Variants in ZNF536 observed in about 807,000 individuals in gnomAD.
ZNF536 encodes zinc finger protein 536.
In ZNF536, 13 loss-of-function variants were observed where a neutral mutation model predicts 84.5. The observed-to-expected ratio is 0.15, with a 90% CI of 0.10 to 0.24. ZNF536 has a LOEUF of 0.24. Among genes scored for constraint, ZNF536 ranks in the 10% least tolerant of loss-of-function variants. ZNF536 has a pLI of 1.00. For synonymous variants in ZNF536, 811 were observed against 742.5 expected (o/e 1.09, Z -1.50); for missense variants, 1,536 against 1,747.5 (o/e 0.88, Z 2.16).
Position 30,444,444 on chromosome 19 carries a change from C to A in ZNF536, c.882C>A (p.Arg294=), listed in dbSNP as rs2148183811. Residue 294 remains arginine (R), a synonymous_variant, in exon 2 of 5, where the codon CGC becomes CGA. Transcript: ENST00000355537. ...GCGAGGAGCTGGACCGCCACATCCG[C>A]ATCTTGCACAAGCCCTACAAGTGCA... ...KKREELDRHI[R]ILHKPYKCTL... 1.2e-6 allele frequency: 2 copies of A among 1,609,798 alleles called. No homozygotes were observed. Among genetic ancestry groups the A allele is most frequent in the Non-Finnish European group, 1.7e-6 (2 of 1,179,918 alleles).
intron 2 of ZNF536, among the ~76,000 whole-genome samples, chr19:30,304,022 TCTC>T (rs1193129385): frequency 1.3e-5 from 2 of 152,082 alleles, no homozygotes; most frequent in Non-Finnish European, 2.9e-5. Flanking sequence ...TAGGCAGCGG[TCTC>T]CTCTCTCCCT....
intron 2 of ZNF536, among the ~76,000 whole-genome samples, chr19:30,450,049 A>T (rs962540134): frequency 6.8e-6 from 1 of 146,912 alleles, no homozygotes; most frequent in African/African-American, 2.5e-5. Flanking sequence ...AAGAAAAAAA[A>T]TTTGAGTTTG....
chr19:30,491,499 C>G (rs1394673381), intron 2 of ZNF536, among the ~76,000 whole-genome samples: 1 of 152,168 alleles, frequency 6.6e-6, no homozygotes, highest in African/African-American at 2.4e-5. Context: ...AAATAGCTTC[C>G]TTTTGTTGCG....
At chr19:30,674,993 T>A (rs975708443) in intron 1 of ZNF536, among the ~76,000 whole-genome samples, 1 of 152,138 alleles carries the variant, frequency 6.6e-6, no homozygotes, top group Non-Finnish European at 1.5e-5. Flanking sequence ...CTCCTGCAGC[T>A]GAAGGTGGCT....
At chr19:30,566,253 G>C (rs559262784) in intron 1 of ZNF536, among the ~76,000 whole-genome samples, 85 of 152,236 alleles carry the variant, frequency 5.6e-4, no homozygotes, top group African/African-American at 2.0e-3. Context: ...CCAGCCGTGT[G>C]GGGGCATCCT....
At chr19:30,366,092 C>T (rs1216453715) in intron 3 of ZNF536, among the ~76,000 whole-genome samples, 5 of 152,130 alleles carry the variant, frequency 3.3e-5, no homozygotes, top group Non-Finnish European at 5.9e-5. Context: ...GGAAGCCCCA[C>T]GTGAACTCCT....
chr19:30,443,880 C>T lies in ZNF536; in HGVS notation c.318C>T (p.Leu106=), dbSNP rs778509421. ...LNGRVDLQQF[L]NGQNLGIMSQ... is the part of the protein sequence containing the mutation. ...GGAGGGTGGACTTGCAGCAGTTCCT[C>T]AACGGGCAGAACCTGGGCATCATGT... The change falls in exon 2 of 5, where the codon CTC becomes CTT. Residue 106 remains leucine (L), a synonymous_variant. Transcript: ENST00000355537. The T allele has an allele frequency of 2.5e-6, 4 of 1,613,658 alleles. No homozygotes were observed. In the Admixed American group the frequency reaches 6.7e-5, roughly 27 times the overall value.
rs190731510 is a variant in ZNF536, at chr19:30,256,596, G to T, written c.-189-27476G>T. Among the ~76,000 whole-genome samples the T allele has an allele frequency of 4.5e-4, 68 of 152,284 alleles. 1 individual carries two copies. The highest frequency in any genetic ancestry group is 1.6e-3 in the African/African-American group (68 of 41,552). On this transcript the variant is annotated intron_variant, in intron 1 of 5. Transcript: ENST00000585628. ...GTGACACAGGCGTCCAGAAAGACCC[G>T]AGTGAGGGCGAATGGTTGCTGGTTC... is the stretch of plus-strand genomic sequence containing the variant.
chr19:30,454,944 A>T (rs1309560206), intron 2 of ZNF536, among the ~76,000 whole-genome samples: 3 of 152,182 alleles, frequency 2.0e-5, no homozygotes, highest in Admixed American at 2.0e-4. Flanking sequence ...GAGGCAGGAG[A>T]ATCGCTTGAA....
chr19:30,324,316 A>G (rs1046029219), intron 2 of ZNF536, among the ~76,000 whole-genome samples: 18 of 152,174 alleles, frequency 1.2e-4, no homozygotes, highest in African/African-American at 3.9e-4. Flanking sequence ...CCATCTATCT[A>G]TCCATCCATT....
chr19:30,676,524 A>G (rs2050758358), intron 1 of ZNF536, among the ~76,000 whole-genome samples: 1 of 152,258 alleles, frequency 6.6e-6, no homozygotes, highest in African/African-American at 2.4e-5. Flanking sequence ...AAGTGAAGGT[A>G]ACACAAAATA....
intron 1 of ZNF536, among the ~76,000 whole-genome samples, chr19:30,252,684 C>T (rs1197358574): frequency 6.6e-6 from 1 of 152,232 alleles, no homozygotes; most frequent in Non-Finnish European, 1.5e-5. Flanking sequence ...GAATCTTTGC[C>T]TGCCTAATGG....
chr19:30,523,991 G>T (rs929322334), intron 2 of ZNF536, among the ~76,000 whole-genome samples: 8 of 152,240 alleles, frequency 5.3e-5, no homozygotes, highest in African/African-American at 1.9e-4. Flanking sequence ...GTTCTCCATG[G>T]CACAGAGGCA....
At chr19:30,632,271 A>C (rs997148504) in intron 1 of ZNF536, among the ~76,000 whole-genome samples, 5 of 152,134 alleles carry the variant, frequency 3.3e-5, no homozygotes, top group African/African-American at 1.2e-4. Context: ...TTACTCTAGA[A>C]TGTTGTTACA....
At chr19:30,627,353 C>T (rs1046224118) in intron 1 of ZNF536, among the ~76,000 whole-genome samples, 2 of 151,608 alleles carry the variant, frequency 1.3e-5, no homozygotes, top group African/African-American at 4.8e-5. Context: ...CATCTGTAGT[C>T]CCAGCTAATC....
At chr19:30,523,880 G>C (rs2044467711) in intron 2 of ZNF536, among the ~76,000 whole-genome samples, 1 of 152,196 alleles carries the variant, frequency 6.6e-6, no homozygotes, top group Non-Finnish European at 1.5e-5. Flanking sequence ...GCCGGGCCTG[G>C]TGGATTTTTA....
intron 2 of ZNF536, among the ~76,000 whole-genome samples, chr19:30,462,776 ATG>A (rs1174482241): frequency 6.7e-6 from 1 of 150,132 alleles, no homozygotes; most frequent in East Asian, 2.0e-4. Flanking sequence ...GTGGATAAGG[ATG>A]TGTGTGTTGG....
intron 1 of ZNF536, among the ~76,000 whole-genome samples, chr19:30,232,900 A>G (rs2144679083): frequency 6.6e-6 from 1 of 152,318 alleles, no homozygotes; most frequent in South Asian, 2.1e-4. Flanking sequence ...GTCTCCAGAC[A>G]TTTCTATATC....
At chr19:30,395,157 T>A (rs895558437) in intron 1 of ZNF536, among the ~76,000 whole-genome samples, 2 of 152,202 alleles carry the variant, frequency 1.3e-5, no homozygotes, top group African/African-American at 4.8e-5. Context: ...GCTACCAATT[T>A]TCATCTTATC....
Sources: allele counts gnomAD v4.1 joint callset (sites outside exome capture counted in the v4.1 genomes callset), GRCh38; gene constraint gnomAD v4.1.1; transcripts MANE v1.5; gene names NCBI Gene and HGNC (gene_info 2026-07-23, HGNC 2026-07-21).